EPB41L2: variants seen among roughly 807,000 people sequenced by gnomAD.
The protein encoded by EPB41L2 is erythrocyte membrane protein band 4.1 like 2, also known as band 4.1-like protein 2.
In EPB41L2, 43 loss-of-function variants were observed where a neutral mutation model predicts 113.0. The ratio of observed to expected loss-of-function variants is 0.38; its 90% CI spans 0.30 to 0.49. The LOEUF is 0.49. Among genes scored for constraint, EPB41L2 ranks in the 20% least tolerant of loss-of-function variants. The probability of loss-of-function intolerance (pLI) is 0.95; values close to 1 mark genes in which losing one functional copy is unlikely to be tolerated. For missense variants in EPB41L2, 1,147 were observed against 1,223.4 expected, an observed-to-expected ratio of 0.94 and a Z score of 0.93; for synonymous variants, 442 against 436.7, an observed-to-expected ratio of 1.01 and a Z score of -0.15.
chr6:130,929,097 A>G (rs1444153582), intron 3 of EPB41L2, among the ~76,000 whole-genome samples: 2 of 152,190 alleles, frequency 1.3e-5, no homozygotes, highest in African/African-American at 4.8e-5. Context: ...TTAAGCTTCC[A>G]TCTGCCTCTC....
At chr6:130,991,187 C>T (rs981518295) in intron 1 of EPB41L2, among the ~76,000 whole-genome samples, 1 of 152,126 alleles carries the variant, frequency 6.6e-6, no homozygotes, top group Non-Finnish European at 1.5e-5. Flanking sequence ...CTTAAAATGT[C>T]AATTTTGCGT....
chr6:130,926,761 G>A (rs368233222), intron 3 of EPB41L2, 52 bp from the exon 4 acceptor site: 14 of 1,128,608 alleles, frequency 1.2e-5, no homozygotes, highest in Non-Finnish European at 1.7e-5. Context: ...TTCCAAGACT[G>A]CTATAAATTT....
At chr6:130,868,263 C>T (rs1203812361) in intron 15 of EPB41L2, 3 of 152,314 alleles carry the variant, frequency 2.0e-5, no homozygotes, top group African/African-American at 7.2e-5. Context: ...TTATACCTGT[C>T]TAAAATTTGC....
At chr6:130,921,563 A>G (rs1583470441) in intron 4 of EPB41L2, among the ~76,000 whole-genome samples, 2 of 152,324 alleles carry the variant, frequency 1.3e-5, no homozygotes, top group African/African-American at 4.8e-5. Flanking sequence ...ATGATCATTC[A>G]TGCTGGAACG....
At chr6:130,847,821 A>C (rs909150923) in intron 19 of EPB41L2, among the ~76,000 whole-genome samples, 1 of 152,208 alleles carries the variant, frequency 6.6e-6, no homozygotes, top group Non-Finnish European at 1.5e-5. Flanking sequence ...ATCTTCTGGG[A>C]ATTTGATATA....
chr6:130,865,475 T>C, intron 17 of EPB41L2, 61 bp downstream of exon 17: 16 of 1,511,774 alleles, frequency 1.1e-5, no homozygotes, highest in Non-Finnish European at 1.5e-5. Context: ...GAGAAACAAT[T>C]CAGAAAAGAT....
At chr6:130,872,501 T>C (rs963953665) in intron 14 of EPB41L2, 14 of 1,289,198 alleles carry the variant, frequency 1.1e-5, no homozygotes, top group Non-Finnish European at 1.4e-5. Context: ...AAAGCCCTTT[T>C]CACTAAACAA....
chr6:131,044,990 T>G (rs780858840), intron 1 of EPB41L2, among the ~76,000 whole-genome samples: 2 of 152,208 alleles, frequency 1.3e-5, no homozygotes, highest in Non-Finnish European at 2.9e-5. Context: ...ACATCCATAC[T>G]GAATAAAGGG....
intron 1 of EPB41L2, among the ~76,000 whole-genome samples, chr6:131,024,715 T>C (rs139648294): frequency 1.2e-4 from 19 of 152,304 alleles, no homozygotes; most frequent in Non-Finnish European, 2.5e-4. Flanking sequence ...CTAGGTGTTA[T>C]ACTAAACACT....
At chr6:131,044,852 T>C (rs1370357815) in intron 1 of EPB41L2, among the ~76,000 whole-genome samples, 1 of 152,224 alleles carries the variant, frequency 6.6e-6, no homozygotes, top group Non-Finnish European at 1.5e-5. Context: ...ATTAAGTTTG[T>C]GGACTATTGA....
intron 11 of EPB41L2, among the ~76,000 whole-genome samples, chr6:130,889,107 A>G (rs1202283411): frequency 6.6e-6 from 1 of 152,074 alleles, no homozygotes; most frequent in African/African-American, 2.4e-5. Context: ...AATACAATAG[A>G]CAAGAAAAAA....
At chr6:130,921,969 C>T (rs558991851) in intron 4 of EPB41L2, among the ~76,000 whole-genome samples, 39 of 152,296 alleles carry the variant, frequency 2.6e-4, no homozygotes, top group Non-Finnish European at 3.8e-4. Context: ...CTTCAACATC[C>T]TATATGTAAA....
intron 1 of EPB41L2, among the ~76,000 whole-genome samples, chr6:131,059,939 G>T (rs775834605): frequency 6.6e-6 from 1 of 152,158 alleles, no homozygotes; most frequent in South Asian, 2.1e-4. Flanking sequence ...CATTTCTTTT[G>T]TTTTCTCCAA....
At chr6:131,038,400 T>C (rs1793778951) in intron 1 of EPB41L2, among the ~76,000 whole-genome samples, 1 of 152,214 alleles carries the variant, frequency 6.6e-6, no homozygotes, top group Non-Finnish European at 1.5e-5. Context: ...CAAATTATTC[T>C]AGTTGCTATC....
At chr6:130,993,681 C>T (rs113651581) in intron 1 of EPB41L2, among the ~76,000 whole-genome samples, 1 of 146,646 alleles carries the variant, frequency 6.8e-6, no homozygotes, top group African/African-American at 2.4e-5. Flanking sequence ...CTGACACCGG[C>T]TGCTGGCGCA....
At chr6:130,840,623 A>C (rs1168622276) in intron 19 of EPB41L2, 25 bp from the exon 20 acceptor site, 1 of 150,804 alleles carries the variant, frequency 6.6e-6, no homozygotes, top group Non-Finnish European at 1.5e-5. Context: ...AAAAAAAAAA[A>C]CAGAAGGCTT....
At chr6:130,872,701 A>G (rs1786155934) in intron 14 of EPB41L2, among the ~76,000 whole-genome samples, 1 of 152,218 alleles carries the variant, frequency 6.6e-6, no homozygotes, top group Non-Finnish European at 1.5e-5. Context: ...AGGCTTATGA[A>G]GAGGTTTGTG....
At chr6:131,022,378 C>T (rs1050539144) in intron 1 of EPB41L2, among the ~76,000 whole-genome samples, 1 of 152,166 alleles carries the variant, frequency 6.6e-6, no homozygotes, top group Admixed American at 6.5e-5. Context: ...ATTCTTTCTA[C>T]TCCTAGTTAT....
intron 3 of EPB41L2, among the ~76,000 whole-genome samples, chr6:130,927,371 G>A (rs922694920): frequency 2.6e-5 from 4 of 152,152 alleles, no homozygotes; most frequent in African/African-American, 9.7e-5. Flanking sequence ...GCTGTGAACA[G>A]AGATGTAAGA....
Sources: allele counts gnomAD v4.1 joint callset (sites outside exome capture counted in the v4.1 genomes callset), GRCh38; gene constraint gnomAD v4.1.1; transcripts MANE v1.5; gene names NCBI Gene and HGNC (gene_info 2026-07-23, HGNC 2026-07-21).